KTN1: variants seen among roughly 807,000 people sequenced by gnomAD.
KTN1 encodes kinectin 1.
KTN1 carries 130 observed loss-of-function variants against 222.5 expected under a neutral mutation model. The observed-to-expected ratio is 0.58, with a 90% CI of 0.51 to 0.68. The LOEUF is 0.68. Among genes scored for constraint, KTN1 ranks in the 30% least tolerant of loss-of-function variants. KTN1 has a pLI of 0.00. For synonymous variants in KTN1, 512 were observed against 496.3 expected (o/e 1.03, Z -0.42); for missense variants, 1,508 against 1,500.4 (o/e 1.01, Z -0.08).
At chr14:55,654,797 C>T (rs1026718560) in intron 28 of KTN1, among the ~76,000 whole-genome samples, 1 of 152,064 alleles carries the variant, frequency 6.6e-6, no homozygotes, top group African/African-American at 2.4e-5. Flanking sequence ...ATTACAGTAT[C>T]ATACAAAACA....
At chr14:55,652,665 T>C (rs559050840) in intron 25 of KTN1, among the ~76,000 whole-genome samples, 185 bp from the exon 26 acceptor site, 52 of 152,280 alleles carry the variant, frequency 3.4e-4, no homozygotes, top group South Asian at 1.7e-3. Flanking sequence ...TCCCAAAGTG[T>C]TGGGATTACA....
chr14:55,671,392 CA>C (rs931005848), intron 35 of KTN1, 173 bp from the exon 36 acceptor site: 4 of 566,138 alleles, frequency 7.1e-6, no homozygotes, highest in African/African-American at 1.9e-5. Flanking sequence ...TAAAAATGAC[CA>C]AAAGGGTTAT....
chr14:55,671,458 A>G, intron 35 of KTN1, 108 bp from the exon 36 acceptor site: 1 of 714,224 alleles, frequency 1.4e-6, no homozygotes, highest in Non-Finnish European at 2.3e-6. Context: ...TCCTTATAAA[A>G]CACTTTGAAA....
chr14:55,580,404 G>T (rs1003299305), intron 1 of KTN1, 50 bp downstream of exon 1: 4 of 146,586 alleles, frequency 2.7e-5, no homozygotes, highest in Non-Finnish European at 1.5e-5. Context: ...CGGGGAGCGC[G>T]GGGGGAGGCG....
intron 34 of KTN1, among the ~76,000 whole-genome samples, chr14:55,670,514 T>A (rs1339518230): frequency 6.6e-6 from 1 of 152,070 alleles, no homozygotes; most frequent in Non-Finnish European, 1.5e-5. Context: ...TGATGGTAGG[T>A]ACATAGGTCT....
chr14:55,663,405 T>G (rs997186034), intron 32 of KTN1: 18 of 165,594 alleles, frequency 1.1e-4, no homozygotes, highest in Non-Finnish European at 1.3e-5. Context: ...CATGTAAGGT[T>G]GTTTTGTGGC....
rs991360473 is a variant in KTN1 at position 55,671,453 on chromosome 14, A to G, written c.3349-113A>G. 37 of 694,694 alleles carry G rather than the reference A, an allele frequency of 5.3e-5. No homozygotes were observed. The African/African-American group carries it at 6.4e-4, about 12-fold the overall frequency. 43.0% of individuals were successfully genotyped at this position (694,694 alleles called of 1,614,324 possible). On this transcript the variant is annotated intron_variant, in intron 35 of 43. Transcript: ENST00000395314. ...AAAGGTTGAAATGTAGTGTTTCCTT[A>G]TAAAACACTTTGAAACCATTTATCA... is the stretch of plus-strand genomic sequence containing the variant.
intron 1 of KTN1, among the ~76,000 whole-genome samples, chr14:55,597,023 A>G (rs1265243196): frequency 6.6e-6 from 1 of 152,158 alleles, no homozygotes; most frequent in Non-Finnish European, 1.5e-5. Flanking sequence ...AGTGAACACA[A>G]ATAGGATTAG....
At chr14:55,619,851 GT>G (rs2038899913) in intron 5 of KTN1, among the ~76,000 whole-genome samples, 1 of 152,094 alleles carries the variant, frequency 6.6e-6, no homozygotes, top group Non-Finnish European at 1.5e-5. Flanking sequence ...CAAATCTCAT[GT>G]CCTCACATTT....
At chr14:55,672,100 C>T (rs1216557520) in intron 37 of KTN1, 1 of 462,536 alleles carries the variant, frequency 2.2e-6, no homozygotes, top group Non-Finnish European at 3.8e-6. Context: ...AAAGGGTAAT[C>T]ATATAGAATG....
At chr14:55,594,518 A>G (rs202045814) in intron 1 of KTN1, among the ~76,000 whole-genome samples, 2 of 76,202 alleles carry the variant, frequency 2.6e-5, no homozygotes, top group African/African-American at 5.2e-5. Flanking sequence ...TTTTTTTTTC[A>G]TTTTTGAGTT....
chr14:55,645,512 T>C (rs1291110609), intron 18 of KTN1, among the ~76,000 whole-genome samples: 1 of 152,224 alleles, frequency 6.6e-6, no homozygotes, highest in African/African-American at 2.4e-5. Flanking sequence ...AAGGTGCAGG[T>C]AACTTAGACT....
Position 55,640,364 on chromosome 14 carries a change from CT to C in KTN1, c.1915-8del. On this transcript the variant is annotated splice_polypyrimidine_tract_variant and intron_variant, in intron 14 of 43. Transcript: ENST00000395314. ...TTAAGTATTTTAAATGCTATTTTTC[CT>C]TGTTCTAGGATATACAGAATATGAA... 6.5e-7 allele frequency: 1 copy of C among 1,543,740 alleles called. No individual in the cohort carries two copies. The highest frequency in any genetic ancestry group is 8.9e-7 in the Non-Finnish European group (1 of 1,128,582).
At chr14:55,612,695 A>G in intron 2 of KTN1, 124 bp downstream of exon 2, 1 of 809,532 alleles carries the variant, frequency 1.2e-6, no homozygotes, top group Non-Finnish European at 1.8e-6. Flanking sequence ...TATTCATTTC[A>G]TTATGTGTTT....
intron 43 of KTN1, chr14:55,683,357 C>T (rs990263655): frequency 6.6e-6 from 1 of 152,082 alleles, no homozygotes; most frequent in Non-Finnish European, 1.5e-5. Flanking sequence ...TTCTATATGT[C>T]TACATATTTT....
At chr14:55,615,839 TTTTC>T (rs1345065399) in intron 2 of KTN1, among the ~76,000 whole-genome samples, 14 of 151,742 alleles carry the variant, frequency 9.2e-5, no homozygotes, top group African/African-American at 2.9e-4. Flanking sequence ...CCCTTCCTTC[TTTTC>T]CTTCCTTTCC....
At chr14:55,680,689 G>T (rs772990991) in intron 43 of KTN1, 4 of 1,366,230 alleles carry the variant, frequency 2.9e-6, no homozygotes, top group East Asian at 4.5e-5. Context: ...ACTTTAGAGT[G>T]ATCATCCTCT....
Position 55,630,111 on chromosome 14 carries a change from C to T in KTN1, c.1221+14C>T. The T allele has an allele frequency of 6.2e-7, 1 of 1,607,382 alleles. No homozygotes were observed. The highest frequency in any genetic ancestry group is 8.5e-7 in the Non-Finnish European group (1 of 1,174,882). On this transcript the variant is annotated intron_variant, in intron 7 of 43. Coordinates refer to ENST00000395314, the MANE Select transcript of KTN1 (RefSeq NM_001079521.2). ...ATGCAGATGAAGGTATATTTTCATT[C>T]TTTGGAAACAAGATGAAATGGTTGC...
At chr14:55,619,494 A>G (rs1353924229) in intron 5 of KTN1, among the ~76,000 whole-genome samples, 182 bp downstream of exon 5, 1 of 152,190 alleles carries the variant, frequency 6.6e-6, no homozygotes, top group African/African-American at 2.4e-5. Context: ...GCTGATAAAG[A>G]GATACCCGAG....
Sources: allele counts gnomAD v4.1 joint callset (sites outside exome capture counted in the v4.1 genomes callset), GRCh38; gene constraint gnomAD v4.1.1; transcripts MANE v1.5; gene names NCBI Gene and HGNC (gene_info 2026-07-23, HGNC 2026-07-21).